AASDHPPT: variants seen among roughly 807,000 people sequenced by gnomAD.
AASDHPPT encodes the protein aminoadipate-semialdehyde dehydrogenase-phosphopantetheinyl transferase.
In AASDHPPT, 23 loss-of-function variants were observed where a neutral mutation model predicts 36.4. The ratio of observed to expected loss-of-function variants is 0.63; its 90% confidence interval spans 0.45 to 0.89. The LOEUF (loss-of-function observed/expected upper bound fraction) is 0.89, where lower values mean the gene tolerates loss of function less well. Among genes scored for constraint, AASDHPPT ranks in the 40% least tolerant of loss-of-function variants. The pLI, the probability that AASDHPPT is intolerant of heterozygous loss-of-function variation, is 0.00. For missense variants in AASDHPPT, 377 were observed against 378.2 expected (o/e 1.00, Z 0.03); for synonymous variants, 115 against 128.0 (o/e 0.90, Z 0.68).
At chr11:106,096,486 C>T in intron 5 of AASDHPPT, 5 of 274,906 alleles carry the variant, frequency 1.8e-5, no homozygotes, top group Non-Finnish European at 3.3e-5. Flanking sequence ...ATGTGGGGCC[C>T]AGTAAATCTA....
chr11:106,093,041 G>A (rs1350837399), intron 4 of AASDHPPT: 1 of 152,096 alleles, frequency 6.6e-6, no homozygotes, highest in African/African-American at 2.4e-5. Flanking sequence ...TTGTGGAGGG[G>A]ACTGATAAAG....
chr11:106,078,424 C>T (rs1861091068), intron 1 of AASDHPPT, among the ~76,000 whole-genome samples: 1 of 152,126 alleles, frequency 6.6e-6, no homozygotes, highest in East Asian at 1.9e-4. Context: ...ATACCTTCCT[C>T]ACTAGATGCC....
chr11:106,083,179 G>A (rs1407523336), intron 2 of AASDHPPT, among the ~76,000 whole-genome samples: 1 of 151,916 alleles, frequency 6.6e-6, no homozygotes, highest in African/African-American at 2.4e-5. Flanking sequence ...GTTACAGGTC[G>A]GTCTTTTTCC....
intron 1 of AASDHPPT, among the ~76,000 whole-genome samples, chr11:106,079,168 A>G (rs1377760512): frequency 6.6e-6 from 1 of 152,224 alleles, no homozygotes; most frequent in East Asian, 1.9e-4. Flanking sequence ...GTTTGTGTTT[A>G]TATGTAGAGT....
At chr11:106,083,410 C>G (rs1348096302) in intron 2 of AASDHPPT, among the ~76,000 whole-genome samples, 2 of 152,154 alleles carry the variant, frequency 1.3e-5, no homozygotes, top group East Asian at 3.8e-4. Flanking sequence ...AGTATATGGC[C>G]TCTCAGTATG....
chr11:106,079,750 C>CT (rs1861114684), intron 2 of AASDHPPT, 58 bp downstream of exon 2: 1 of 1,422,826 alleles, frequency 7.0e-7, no homozygotes, highest in Admixed American at 1.7e-5. Flanking sequence ...AGTTCTATTG[C>CT]TATTGAGTAA....
chr11:106,082,257 A>G (rs1011726892), intron 2 of AASDHPPT, among the ~76,000 whole-genome samples: 5 of 152,180 alleles, frequency 3.3e-5, no homozygotes, highest in Non-Finnish European at 5.9e-5. Context: ...TTACCATGCT[A>G]CTGATTCCTG....
chr11:106,096,702 C>T (rs568191909), intron 5 of AASDHPPT, 41 bp from the exon 6 acceptor site: 8 of 1,446,970 alleles, frequency 5.5e-6, no homozygotes, highest in Non-Finnish European at 6.5e-6. Flanking sequence ...ATAAGATTAA[C>T]ATGCAATATA....
At chr11:106,090,928 T>C (rs1861249016) in intron 3 of AASDHPPT, among the ~76,000 whole-genome samples, 2 of 152,080 alleles carry the variant, frequency 1.3e-5, no homozygotes, top group South Asian at 4.1e-4. Context: ...TCATTACCAT[T>C]GATAAATAAT....
chr11:106,077,865 T>A lies in AASDHPPT; in HGVS notation c.155T>A (p.Val52Asp), dbSNP rs772448449. 6.2e-7 allele frequency: 1 copy of A among 1,614,144 alleles called. No homozygotes were observed. The highest frequency in any genetic ancestry group is 1.1e-5 in the South Asian group (1 of 91,088). Residue 52 changes from valine (V) to aspartate (D), a missense_variant, in exon 1 of 6, where the codon GTC becomes GAC. Coordinates refer to ENST00000278618, the MANE Select transcript of AASDHPPT (RefSeq NM_015423.3). The stretch of plus-strand genomic sequence containing the variant: ...GAGAAGGAGCGCATTGGCCAGTTCG[T>A]CTTTGCCCGGGACGCTAAGGCAGCC... ...PEEKERIGQF[V>D]FARDAKAAMA... is the part of the protein sequence containing the mutation.
At chr11:106,082,052 G>A (rs1004595489) in intron 2 of AASDHPPT, among the ~76,000 whole-genome samples, 8 of 151,972 alleles carry the variant, frequency 5.3e-5, no homozygotes, top group Non-Finnish European at 8.8e-5. Flanking sequence ...AAAGACAATT[G>A]AGCAAAAATT....
intron 2 of AASDHPPT, among the ~76,000 whole-genome samples, chr11:106,087,972 A>G (rs1034967506): frequency 2.6e-5 from 4 of 152,162 alleles, no homozygotes; most frequent in African/African-American, 9.7e-5. Context: ...TCCTAGGTAA[A>G]CTGCACTTAA....
chr11:106,091,600 A>ATTTC, intron 4 of AASDHPPT, 123 bp downstream of exon 4: 1 of 952,812 alleles, frequency 1.0e-6, no homozygotes, highest in Non-Finnish European at 1.5e-6. Flanking sequence ...TGCTGCTCTG[A>ATTTC]AAGTGAAATC....
In AASDHPPT at chr11:106,084,829, G is replaced by A. The variant is rs576475467; in HGVS notation, c.409+5137G>A. On this transcript the variant is annotated intron_variant, in intron 2 of 5. Coordinates refer to ENST00000278618, the MANE Select transcript of AASDHPPT (RefSeq NM_015423.3). Reference sequence around the variant, plus strand: ...GGAGTTTCACCACGTTGGCCAGGCTGGTCTCGAACTTCTGACCTCAGGTGA... The same window carrying A: ...GGAGTTTCACCACGTTGGCCAGGCTAGTCTCGAACTTCTGACCTCAGGTGA... Among the ~76,000 whole-genome samples, 6 of 151,790 alleles carry A rather than the reference G, an allele frequency of 4.0e-5. No individual in the cohort carries two copies. In the South Asian group the frequency reaches 1.0e-3, roughly 26 times the overall value.
chr11:106,090,430 A>T, intron 2 of AASDHPPT, 127 bp from the exon 3 acceptor site: 1 of 678,536 alleles, frequency 1.5e-6, no homozygotes, highest in Non-Finnish European at 2.3e-6. Context: ...GATTATTTTA[A>T]ATGTATTCAA....
intron 2 of AASDHPPT, among the ~76,000 whole-genome samples, chr11:106,080,998 C>G (rs1481649811): frequency 6.6e-6 from 1 of 152,148 alleles, no homozygotes; most frequent in African/African-American, 2.4e-5. Flanking sequence ...GTTGATTATT[C>G]ATCAGGATGA....
At chr11:106,079,113 T>C (rs546271622) in intron 1 of AASDHPPT, among the ~76,000 whole-genome samples, 14 of 152,364 alleles carry the variant, frequency 9.2e-5, no homozygotes, top group Non-Finnish European at 1.9e-4. Flanking sequence ...TACTTATAAA[T>C]TTAAAGCTTA....
In AASDHPPT at chr11:106,097,894, C is replaced by T. The variant is rs1035332279; in HGVS notation, c.*987C>T. 1.3e-5 allele frequency: 2 copies of T among 152,106 alleles called. No homozygotes were observed. Among genetic ancestry groups the T allele is most frequent in the Admixed American group, 6.6e-5 (1 of 15,254 alleles). The allele number at this position is 152,106 out of a possible 1,614,324, so 9.4% of individuals were successfully genotyped here. ...AGAAAGGTTTACCATAATTTACTCACTTTTTTCTGTGTTAGACATTTTGAT... is the reference window on the plus strand; with the variant it reads ...AGAAAGGTTTACCATAATTTACTCATTTTTTTCTGTGTTAGACATTTTGAT... On this transcript the variant is annotated 3_prime_UTR_variant, in exon 6 of 6. Coordinates refer to ENST00000278618, the MANE Select transcript of AASDHPPT (RefSeq NM_015423.3).
chr11:106,080,624 T>G (rs899049675), intron 2 of AASDHPPT, among the ~76,000 whole-genome samples: 6 of 152,194 alleles, frequency 3.9e-5, no homozygotes, highest in Non-Finnish European at 8.8e-5. Flanking sequence ...TTAGACATAT[T>G]CTGTGATTTA....
Sources: allele counts gnomAD v4.1 joint callset (sites outside exome capture counted in the v4.1 genomes callset), GRCh38; gene constraint gnomAD v4.1.1; transcripts MANE v1.5; gene names NCBI Gene and HGNC (gene_info 2026-07-23, HGNC 2026-07-21).